The following OLFM2 variants were observed in gnomAD, a reference collection of about 807,000 sequenced individuals.
The protein encoded by OLFM2 is noelin-2.
OLFM2 carries 20 observed loss-of-function variants against 43.9 expected under a neutral mutation model. The ratio of observed to expected loss-of-function variants is 0.46; its 90% CI spans 0.32 to 0.66. The LOEUF (loss-of-function observed/expected upper bound fraction) is 0.66. Ranked by LOEUF, OLFM2 falls within the 30% of genes least tolerant of loss-of-function variation. The pLI is 0.04. For synonymous variants in OLFM2, 268 were observed against 278.6 expected (o/e 0.96, Z 0.38); for missense variants, 416 against 643.6 (o/e 0.65, Z 3.83).
intron 1 of OLFM2, chr19:9,913,461 C>A: frequency 1.9e-6 from 2 of 1,054,198 alleles, no homozygotes; most frequent in Non-Finnish European, 2.3e-6. Flanking sequence ...CCGGGAGCGC[C>A]CCCCGCGCGG....
Position 9,857,028 on chromosome 19 carries a change from G to C in OLFM2, c.581-115C>G. ...AAAGCTGGGACCAGGGATGAGGGAAGACTCAAAAATCTGGTCCCAATATGT... is the reference window on the plus strand; with the variant it reads ...AAAGCTGGGACCAGGGATGAGGGAACACTCAAAAATCTGGTCCCAATATGT... On this transcript the variant is annotated intron_variant, in intron 4 of 5. Transcript: ENST00000264833. The surrounding 1 kb of genome is among the most constrained non-coding windows in gnomAD (Gnocchi z 5.7). 2 of 961,870 alleles carry C rather than the reference G, an allele frequency of 2.1e-6. No homozygotes were observed. The highest frequency in any genetic ancestry group is 1.6e-6 in the Non-Finnish European group (1 of 622,818). The allele number at this position is 961,870 out of a possible 1,614,324, so 59.6% of individuals were successfully genotyped here.
intron 1 of OLFM2, among the ~76,000 whole-genome samples, chr19:9,878,953 C>T (rs1248896862): frequency 6.6e-6 from 1 of 151,992 alleles, no homozygotes; most frequent in Non-Finnish European, 1.5e-5. Flanking sequence ...CTCAAGCGAT[C>T]CTCCCACCTC....
intron 1 of OLFM2, among the ~76,000 whole-genome samples, chr19:9,862,431 A>G (rs768310364): frequency 1.8e-4 from 27 of 151,664 alleles, no homozygotes; most frequent in Admixed American, 1.6e-3. Context: ...CAGAATTTCA[A>G]GAGGCTGAAG....
intron 1 of OLFM2, among the ~76,000 whole-genome samples, chr19:9,864,113 T>C (rs1473678035): frequency 1.3e-5 from 2 of 151,998 alleles, no homozygotes; most frequent in African/African-American, 4.8e-5. Context: ...CAGCAGAAAA[T>C]ACACCCAGCA....
intron 1 of OLFM2, among the ~76,000 whole-genome samples, chr19:9,900,503 G>A (rs568161573): frequency 3.3e-5 from 5 of 152,064 alleles, no homozygotes; most frequent in South Asian, 2.1e-4. Context: ...TAAAAACCAC[G>A]GTCTCTACCA....
intron 1 of OLFM2, among the ~76,000 whole-genome samples, chr19:9,883,628 C>T (rs1599479499): frequency 1.3e-5 from 2 of 152,084 alleles, no homozygotes; most frequent in Non-Finnish European, 2.9e-5. Flanking sequence ...ACTCAGAGGG[C>T]CTTCAATCAG....
chr19:9,926,238 T>C (rs1447975205), intron 1 of OLFM2, among the ~76,000 whole-genome samples: 1 of 152,134 alleles, frequency 6.6e-6, no homozygotes, highest in Non-Finnish European at 1.5e-5. Context: ...ATACATGGAA[T>C]ATGATTCAGC....
At chr19:9,934,973 G>T (rs943306006) in intron 1 of OLFM2, among the ~76,000 whole-genome samples, 1 of 152,140 alleles carries the variant, frequency 6.6e-6, no homozygotes, top group Non-Finnish European at 1.5e-5. Flanking sequence ...ATGTCTTCAC[G>T]GACGCTGTCC....
At chr19:9,903,009 A>T (rs2046754015) in intron 1 of OLFM2, among the ~76,000 whole-genome samples, 1 of 150,914 alleles carries the variant, frequency 6.6e-6, no homozygotes, top group Admixed American at 6.6e-5. Context: ...GACAGCCTCG[A>T]TTTCCTGAAT....
intron 1 of OLFM2, among the ~76,000 whole-genome samples, chr19:9,931,131 A>G (rs748664890): frequency 1.7e-4 from 26 of 152,090 alleles, no homozygotes; most frequent in Non-Finnish European, 4.4e-5. Flanking sequence ...ATTTCCTTTT[A>G]CTTCCCTCCA....
intron 1 of OLFM2, among the ~76,000 whole-genome samples, chr19:9,894,471 A>AGGCT (rs112809397): frequency 0.054 from 8,125 of 151,022 alleles, 733 homozygotes; most frequent in African/African-American, 0.19. Flanking sequence ...GCACTTTGGG[A>AGGCT]GGCTGAGGCG....
At chr19:9,888,620 C>T (rs987068759) in intron 1 of OLFM2, among the ~76,000 whole-genome samples, 2 of 152,026 alleles carry the variant, frequency 1.3e-5, no homozygotes, top group South Asian at 2.1e-4. Flanking sequence ...CATCTGCTTC[C>T]GCCACATCAT....
At chr19:9,862,738 G>C (rs1157384729) in intron 1 of OLFM2, among the ~76,000 whole-genome samples, 9 of 152,032 alleles carry the variant, frequency 5.9e-5, no homozygotes, top group Non-Finnish European at 4.4e-5. Flanking sequence ...ACTTTGGGAA[G>C]TGGAGGCAGG....
chr19:9,878,016 A>G (rs2046506322), intron 1 of OLFM2, among the ~76,000 whole-genome samples: 1 of 151,960 alleles, frequency 6.6e-6, no homozygotes, highest in Admixed American at 6.6e-5. Flanking sequence ...ACATCTGGCT[A>G]ATTTAAAAAA....
chr19:9,911,481 GCACACACA>G (rs1286449104), intron 1 of OLFM2, among the ~76,000 whole-genome samples: 1 of 151,972 alleles, frequency 6.6e-6, no homozygotes, highest in African/African-American at 2.4e-5. Flanking sequence ...GTCTGTTTGG[GCACACACA>G]CATACACACT....
intron 1 of OLFM2, among the ~76,000 whole-genome samples, chr19:9,884,085 T>C (rs1390399715): frequency 1.3e-5 from 2 of 151,040 alleles, no homozygotes; most frequent in African/African-American, 4.9e-5. Flanking sequence ...CTGGGTAACA[T>C]AGTGAGACCT....
chr19:9,926,939 C>T (rs981252270), intron 1 of OLFM2, among the ~76,000 whole-genome samples: 9 of 152,046 alleles, frequency 5.9e-5, no homozygotes, highest in East Asian at 3.9e-4. Context: ...GAGCTGTGAT[C>T]GCGTCACTGC....
At chr19:9,913,120 C>G (rs1025961579) in intron 1 of OLFM2, among the ~76,000 whole-genome samples, 1 of 152,114 alleles carries the variant, frequency 6.6e-6, no homozygotes, top group African/African-American at 2.4e-5. Flanking sequence ...CCCGCTGCAC[C>G]CCACTCAGCC....
intron 1 of OLFM2, among the ~76,000 whole-genome samples, chr19:9,887,203 A>G (rs767756610): frequency 6.6e-6 from 1 of 151,566 alleles, no homozygotes; most frequent in Non-Finnish European, 1.5e-5. Flanking sequence ...TTTTAGATGG[A>G]GTCTCGCTCT....
Sources: allele counts gnomAD v4.1 joint callset (sites outside exome capture counted in the v4.1 genomes callset), GRCh38; gene constraint gnomAD v4.1.1; non-coding constraint Gnocchi (gnomAD v3.1); transcripts MANE v1.5; gene names NCBI Gene and HGNC (gene_info 2026-07-23, HGNC 2026-07-21).